Variants in CCDC91 observed in about 807,000 individuals in gnomAD.
The protein encoded by CCDC91 is coiled-coil domain containing 91, also known as coiled-coil domain-containing protein 91.
Under a neutral mutation model 63.2 loss-of-function variants are expected in CCDC91, and 48 were observed. That is an observed-to-expected ratio of 0.76 (90% CI 0.60 to 0.97). The LOEUF (loss-of-function observed/expected upper bound fraction) is 0.97. Ranked by LOEUF, CCDC91 falls within the 50% of genes least tolerant of loss-of-function variation. The probability of loss-of-function intolerance (pLI) is 0.00; values close to 1 mark genes in which losing one functional copy is unlikely to be tolerated. For synonymous variants in CCDC91, 167 were observed against 165.8 expected, an observed-to-expected ratio of 1.01 and a Z score of -0.06; for missense variants, 500 against 494.6, an observed-to-expected ratio of 1.01 and a Z score of -0.10.
chr12:28,452,976 A>G (rs1487872689), intron 11 of CCDC91, among the ~76,000 whole-genome samples: 4 of 151,856 alleles, frequency 2.6e-5, no homozygotes, highest in Non-Finnish European at 5.9e-5. Flanking sequence ...TTTCTCATAC[A>G]TAGAGACACA....
At chr12:28,194,312 A>G (rs1457585482) in intron 1 of CCDC91, among the ~76,000 whole-genome samples, 2 of 152,068 alleles carry the variant, frequency 1.3e-5, no homozygotes, top group Non-Finnish European at 1.5e-5. Flanking sequence ...CCATCTCTTG[A>G]AAAAGACTAT....
chr12:28,328,792 C>G (rs1022442169), intron 6 of CCDC91, among the ~76,000 whole-genome samples: 2 of 151,252 alleles, frequency 1.3e-5, no homozygotes, highest in Non-Finnish European at 2.9e-5. Context: ...TAAACAGATG[C>G]GATTTTTTTT....
At chr12:28,295,643 G>A (rs1949520853) in intron 3 of CCDC91, among the ~76,000 whole-genome samples, 2 of 151,916 alleles carry the variant, frequency 1.3e-5, no homozygotes, top group Admixed American at 6.6e-5. Context: ...GCTACTCTAC[G>A]ATTGTATTTT....
At chr12:28,214,454 G>A (rs1024888604) in intron 1 of CCDC91, among the ~76,000 whole-genome samples, 1 of 152,108 alleles carries the variant, frequency 6.6e-6, no homozygotes, top group African/African-American at 2.4e-5. Context: ...ACAACCAGAT[G>A]AGGTGATTGG....
chr12:28,365,731 A>G (rs1457643246), intron 7 of CCDC91, among the ~76,000 whole-genome samples: 6 of 152,192 alleles, frequency 3.9e-5, no homozygotes, highest in Non-Finnish European at 5.9e-5. Context: ...CCATGACTAC[A>G]TATAATATTT....
intron 1 of CCDC91, among the ~76,000 whole-genome samples, chr12:28,245,633 T>G (rs1376901412): frequency 2.0e-5 from 3 of 152,048 alleles, no homozygotes; most frequent in African/African-American, 7.2e-5. Flanking sequence ...TTTATCCAAT[T>G]AAAAACACAA....
intron 12 of CCDC91, among the ~76,000 whole-genome samples, chr12:28,506,774 G>A (rs534708968): frequency 6.6e-6 from 1 of 151,678 alleles, no homozygotes; most frequent in South Asian, 2.1e-4. Context: ...GAACTTCAGA[G>A]AGAACACTCA....
chr12:28,431,624 A>G (rs1366049683), intron 8 of CCDC91, among the ~76,000 whole-genome samples: 1 of 152,050 alleles, frequency 6.6e-6, no homozygotes, highest in Non-Finnish European at 1.5e-5. Context: ...TGTTCTTCGC[A>G]GCATCCTTGA....
At chr12:28,333,343 C>T (rs573816481) in intron 6 of CCDC91, among the ~76,000 whole-genome samples, 165 of 147,996 alleles carry the variant, frequency 1.1e-3, no homozygotes, top group African/African-American at 3.9e-3. Context: ...TGCAGTTAGC[C>T]GAGATTGCGC....
intron 12 of CCDC91, among the ~76,000 whole-genome samples, chr12:28,520,562 G>A (rs568115998): frequency 6.6e-6 from 1 of 152,188 alleles, no homozygotes; most frequent in South Asian, 2.1e-4. Context: ...CTGTGCAGAA[G>A]CTCTTTAGTT....
chr12:28,507,221 T>A (rs564078450), intron 12 of CCDC91, among the ~76,000 whole-genome samples: 1 of 152,098 alleles, frequency 6.6e-6, no homozygotes, highest in East Asian at 1.9e-4. Context: ...TGCTAAACAA[T>A]CTTAGTAATC....
intron 6 of CCDC91, among the ~76,000 whole-genome samples, chr12:28,332,484 C>A (rs946206392): frequency 9.9e-5 from 15 of 152,088 alleles, no homozygotes; most frequent in African/African-American, 3.4e-4. Flanking sequence ...GATTAGAAAA[C>A]ACTACTTTTA....
chr12:28,365,803 T>G (rs148250831), intron 7 of CCDC91, among the ~76,000 whole-genome samples: 87 of 152,290 alleles, frequency 5.7e-4, no homozygotes, highest in African/African-American at 1.9e-3. Flanking sequence ...GGCTTCACAC[T>G]TTTACCTCTC....
intron 1 of CCDC91, among the ~76,000 whole-genome samples, chr12:28,222,543 A>G (rs1166966312): frequency 6.6e-6 from 1 of 152,176 alleles, no homozygotes; most frequent in East Asian, 1.9e-4. Context: ...TTGAAAAACC[A>G]GGCATTTCTT....
intron 12 of CCDC91, among the ~76,000 whole-genome samples, chr12:28,541,287 A>G (rs1189200467): frequency 6.6e-6 from 1 of 150,542 alleles, no homozygotes; most frequent in East Asian, 1.9e-4. Flanking sequence ...ATTATTTGTC[A>G]TGTAATATAA....
chr12:28,285,573 G>A (rs186125148), intron 3 of CCDC91, among the ~76,000 whole-genome samples: 3 of 151,678 alleles, frequency 2.0e-5, no homozygotes, highest in Non-Finnish European at 4.4e-5. Context: ...TGATATTGCA[G>A]CAATTTGCCA....
chr12:28,499,477 G>A (rs1952503371), intron 12 of CCDC91, among the ~76,000 whole-genome samples: 1 of 151,666 alleles, frequency 6.6e-6, no homozygotes, highest in Admixed American at 6.6e-5. Flanking sequence ...ATCTATATTA[G>A]GTATTTCTCC....
chr12:28,489,632 C>T (rs758714925), intron 12 of CCDC91, among the ~76,000 whole-genome samples: 1 of 151,848 alleles, frequency 6.6e-6, no homozygotes, highest in South Asian at 2.1e-4. Flanking sequence ...AAATCACCTC[C>T]AGGAAAATAA....
At chr12:28,329,172 A>G (rs1941278846) in intron 6 of CCDC91, among the ~76,000 whole-genome samples, 1 of 152,200 alleles carries the variant, frequency 6.6e-6, no homozygotes, top group Admixed American at 6.6e-5. Flanking sequence ...TATGCAAATA[A>G]TGATTCAGTT....
Sources: gnomAD v4.1 joint callset for allele counts (sites outside exome capture counted in the v4.1 genomes callset) on GRCh38, gnomAD v4.1.1 for gene constraint, MANE v1.5 for transcripts, NCBI Gene and HGNC (gene_info 2026-07-23, HGNC 2026-07-21) for gene names.